The following PIGU variants were observed in gnomAD, a reference collection of about 807,000 sequenced individuals.
PIGU encodes GPI-anchor transamidase component PIGU.
Under a neutral mutation model 49.9 loss-of-function variants are expected in PIGU, and 24 were observed. The observed-to-expected ratio is 0.48, with a 90% CI of 0.35 to 0.68. The LOEUF (loss-of-function observed/expected upper bound fraction) is 0.68, where lower values mean the gene tolerates loss of function less well. Ranked by LOEUF, PIGU falls within the 30% of genes least tolerant of loss-of-function variation. The pLI, the probability that PIGU is intolerant of heterozygous loss-of-function variation, is 0.01. For missense variants in PIGU, 490 were observed against 532.6 expected (o/e 0.92, Z 0.79); for synonymous variants, 220 against 205.7 (o/e 1.07, Z -0.59).
intron 6 of PIGU, among the ~76,000 whole-genome samples, chr20:34,618,781 T>C (rs1985101918): frequency 1.3e-5 from 2 of 152,128 alleles, no homozygotes; most frequent in African/African-American, 4.8e-5. Flanking sequence ...AGTAAGACCC[T>C]GTTTCAAATA....
chr20:34,607,721 C>T (rs1427342149), intron 7 of PIGU, among the ~76,000 whole-genome samples: 1 of 150,046 alleles, frequency 6.7e-6, no homozygotes, highest in Non-Finnish European at 1.5e-5. Flanking sequence ...TAACAAACAA[C>T]TTCTGTGGCT....
At chr20:34,676,846 G>C in intron 1 of PIGU, 110 bp downstream of exon 1, 1 of 1,349,760 alleles carries the variant, frequency 7.4e-7, no homozygotes, top group Non-Finnish European at 1.0e-6. Flanking sequence ...GAGACAGTCA[G>C]TTAGTTCTCT....
chr20:34,584,635 A>T (rs965648070), intron 9 of PIGU, among the ~76,000 whole-genome samples: 2 of 146,972 alleles, frequency 1.4e-5, no homozygotes, highest in African/African-American at 5.1e-5. Context: ...TCAGCCTCCC[A>T]AGCAGCTGGG....
chr20:34,666,387 G>A (rs913247282), intron 1 of PIGU, among the ~76,000 whole-genome samples: 8 of 150,996 alleles, frequency 5.3e-5, no homozygotes, highest in South Asian at 2.1e-4. Context: ...TCACTTCATG[G>A]GACTATTATC....
At chr20:34,669,150 G>A (rs1987224227) in intron 1 of PIGU, among the ~76,000 whole-genome samples, 2 of 151,908 alleles carry the variant, frequency 1.3e-5, no homozygotes, top group South Asian at 2.1e-4. Flanking sequence ...GCCTCCCAAA[G>A]TGCTGAGATT....
intron 7 of PIGU, among the ~76,000 whole-genome samples, chr20:34,615,358 A>G (rs1337808703): frequency 6.6e-6 from 1 of 152,238 alleles, no homozygotes; most frequent in Non-Finnish European, 1.5e-5. Flanking sequence ...TTTAAGTCCT[A>G]TAAGAATCTT....
chr20:34,583,388 C>T (rs1983565087), intron 9 of PIGU, among the ~76,000 whole-genome samples: 1 of 152,200 alleles, frequency 6.6e-6, no homozygotes, highest in Non-Finnish European at 1.5e-5. Flanking sequence ...CCTGAAGGGC[C>T]CTGTTCCTAC....
rs551079394 is a variant in PIGU at position 34,668,794 on chromosome 20, AAAT to A, written c.130+8159_130+8161del. Among the ~76,000 whole-genome samples, 20 of 151,298 alleles carry A rather than the reference AAAT, an allele frequency of 1.3e-4. No individual in the cohort carries two copies. In the East Asian group the frequency reaches 3.9e-3, roughly 29 times the overall value. ...AAAAAAATAAATAAATAAATAAATAAAATAAAAATAAAAATGCAATATGGAATA... is the reference window on the plus strand; with the variant it reads ...AAAAAAATAAATAAATAAATAAATAAAAAAATAAAAATGCAATATGGAATA... On this transcript the variant is annotated intron_variant, in intron 1 of 11. Coordinates refer to ENST00000217446, the MANE Select transcript of PIGU (RefSeq NM_080476.5).
At chr20:34,616,012 G>T (rs770385649) in intron 7 of PIGU, 30 bp downstream of exon 7, 1 of 1,583,972 alleles carries the variant, frequency 6.3e-7, no homozygotes. Flanking sequence ...ATGTCACTTG[G>T]GTGCTGGCTT....
chr20:34,603,804 A>T (rs1278125177), intron 7 of PIGU, among the ~76,000 whole-genome samples: 1 of 151,624 alleles, frequency 6.6e-6, no homozygotes, highest in Non-Finnish European at 1.5e-5. Context: ...TAATTTGGGC[A>T]CTAAGAATGT....
chr20:34,563,018 G>A (rs571061490), intron 11 of PIGU, among the ~76,000 whole-genome samples: 1 of 152,220 alleles, frequency 6.6e-6, no homozygotes, highest in Admixed American at 6.5e-5. Context: ...ATAATCATCT[G>A]GACAAGAAGC....
intron 3 of PIGU, 30 bp from the exon 4 acceptor site, chr20:34,644,256 T>C: frequency 7.1e-6 from 11 of 1,550,300 alleles, no homozygotes; most frequent in Non-Finnish European, 9.8e-6. Flanking sequence ...TAATAGGAAA[T>C]GGAACACAGT....
chr20:34,561,350 C>T (rs757786258), intron 11 of PIGU, among the ~76,000 whole-genome samples: 1 of 152,210 alleles, frequency 6.6e-6, no homozygotes, highest in Non-Finnish European at 1.5e-5. Context: ...AAATACACTT[C>T]TCCCACTCAG....
At chr20:34,653,153 A>G (rs2146779858) in intron 2 of PIGU, among the ~76,000 whole-genome samples, 2 of 152,174 alleles carry the variant, frequency 1.3e-5, no homozygotes, top group Middle Eastern at 3.4e-3. Flanking sequence ...TTCTATTTTT[A>G]GCAGAGACGG....
At chr20:34,579,582 T>C (rs1983377396) in intron 10 of PIGU, among the ~76,000 whole-genome samples, 1 of 152,206 alleles carries the variant, frequency 6.6e-6, no homozygotes, top group African/African-American at 2.4e-5. Flanking sequence ...TGATTCACAG[T>C]TGTCAAGCCC....
At chr20:34,587,133 C>A (rs1229122235) in intron 8 of PIGU, among the ~76,000 whole-genome samples, 2 of 152,146 alleles carry the variant, frequency 1.3e-5, no homozygotes, top group Non-Finnish European at 1.5e-5. Context: ...ACCTGGAAAC[C>A]GGAGAAATGC....
intron 2 of PIGU, among the ~76,000 whole-genome samples, chr20:34,646,272 G>A (rs1986340881): frequency 6.6e-6 from 1 of 152,118 alleles, no homozygotes; most frequent in African/African-American, 2.4e-5. Flanking sequence ...TAGGTAAGTT[G>A]TGTTTTTCCA....
rs772151923 is a variant in PIGU, at chr20:34,585,423, G to A, written c.926+14C>T. 1 of 1,613,606 alleles carries A rather than the reference G, an allele frequency of 6.2e-7. No homozygotes were observed. The highest frequency in any genetic ancestry group is 8.5e-7 in the Non-Finnish European group (1 of 1,179,676). On this transcript the variant is annotated intron_variant, in intron 9 of 11. Coordinates refer to ENST00000217446, the MANE Select transcript of PIGU (RefSeq NM_080476.5). ...AGCTCTGTACACACAGCAGCAGCAG[G>A]TCCAGCCACTTACTTTAGCTTTATG... is the stretch of plus-strand genomic sequence containing the variant.
At chr20:34,653,314 G>A (rs1401948027) in intron 2 of PIGU, among the ~76,000 whole-genome samples, 1 of 152,110 alleles carries the variant, frequency 6.6e-6, no homozygotes, top group South Asian at 2.1e-4. Context: ...CTGATTTTAT[G>A]TCTGCTTGTT....
Sources: allele counts gnomAD v4.1 joint callset (sites outside exome capture counted in the v4.1 genomes callset), GRCh38; gene constraint gnomAD v4.1.1; transcripts MANE v1.5; gene names NCBI Gene and HGNC (gene_info 2026-07-23, HGNC 2026-07-21).